Variants in TNFRSF8 observed in about 807,000 individuals in gnomAD.
TNFRSF8 encodes tumor necrosis factor receptor superfamily member 8.
In TNFRSF8, 26 loss-of-function variants were observed where a neutral mutation model predicts 70.8. The observed-to-expected ratio is 0.37, with a 90% CI of 0.27 to 0.51. The LOEUF (loss-of-function observed/expected upper bound fraction) is 0.51. Ranked by LOEUF, TNFRSF8 falls within the 20% of genes least tolerant of loss-of-function variation. The pLI, the probability that TNFRSF8 is intolerant of heterozygous loss-of-function variation, is 0.94. For missense variants in TNFRSF8, 720 were observed against 807.9 expected (o/e 0.89, Z 1.32); for synonymous variants, 356 against 339.2 (o/e 1.05, Z -0.54).
chr1:12,103,080 C>T lies in TNFRSF8; in HGVS notation c.269-1299C>T, dbSNP rs533924991. On this transcript the variant is annotated intron_variant, in intron 3 of 14. Coordinates refer to ENST00000263932, the MANE Select transcript of TNFRSF8 (RefSeq NM_001243.5). ...CATTAAAAAAATTAATAAACTATTT[C>T]TGGCTGGGTGCAGTGGCTCACGCCT... is the stretch of plus-strand genomic sequence containing the variant. 5.9e-5 allele frequency among the ~76,000 whole-genome samples: 9 copies of T among 152,078 alleles called. No individual in the cohort carries two copies. In the South Asian group the frequency reaches 1.9e-3, roughly 32 times the overall value.
In TNFRSF8 at chr1:12,109,951, C is replaced by T. The variant is rs540950442; in HGVS notation, c.513-90C>T. On this transcript the variant is annotated intron_variant, in intron 5 of 14. Coordinates refer to ENST00000263932, the MANE Select transcript of TNFRSF8 (RefSeq NM_001243.5). The surrounding 1 kb of genome is among the most constrained non-coding windows in gnomAD (Gnocchi z 4.4). The stretch of plus-strand genomic sequence containing the variant: ...AGGCAGTGGGCCAAGGGCCTGGGAC[C>T]CCATCTCTGTGGAAACTGTTACTCG... 2.7e-6 allele frequency: 4 copies of T among 1,483,884 alleles called. No individual in the cohort carries two copies. The highest frequency in any genetic ancestry group is 1.4e-5 in the African/African-American group (1 of 71,896). 91.9% of individuals were successfully genotyped at this position (1,483,884 alleles called of 1,614,324 possible). A position where few individuals can be genotyped will look rare whatever the true frequency, so the allele number is the denominator to read the frequency against.
chr1:12,109,584 C>T lies in TNFRSF8; in HGVS notation c.440C>T (p.Thr147Met), dbSNP rs758099802. Residue 147 changes from threonine to methionine, a missense_variant, in exon 5 of 15, where the codon ACG becomes ATG. By Grantham distance (81) the Thr-to-Met change is moderately conservative. Coordinates refer to ENST00000263932, the MANE Select transcript of TNFRSF8 (RefSeq NM_001243.5). This position sits in a 1 kb window ranked among gnomAD's most constrained non-coding sequence, Gnocchi z 4.4. Reference sequence around the variant, plus strand: ...CCTGCAGGCACGGCGCAGAAGAACACGGTCTGTGAGCCGGCTTCCCCAGGG... The same window carrying T: ...CCTGCAGGCACGGCGCAGAAGAACATGGTCTGTGAGCCGGCTTCCCCAGGG... ...VKFPGTAQKN[T>M]VCEPASPGVS... 20 of 1,613,664 alleles carry T rather than the reference C, an allele frequency of 1.2e-5. No individual in the cohort carries two copies. Among genetic ancestry groups the T allele is most frequent in the Non-Finnish European group, 1.5e-5 (18 of 1,179,912 alleles).
Position 12,110,047 on chromosome 1 carries a change from C to A in TNFRSF8, c.519C>A (p.Thr173=). The change falls in exon 6 of 15, where the codon ACC becomes ACA. Residue 173 remains threonine (T), a synonymous_variant. Coordinates refer to ENST00000263932, the MANE Select transcript of TNFRSF8 (RefSeq NM_001243.5). The surrounding 1 kb of genome is among the most constrained non-coding windows in gnomAD (Gnocchi z 4.0). The stretch of plus-strand genomic sequence containing the variant: ...TCTCTGGCTTCTTCCCCAGTGGCAC[C>A]ATCCCCCAGGCCAAGCCCACCCCGG... ...PENCKEPSSG[T]IPQAKPTPVS... is the part of the protein sequence containing the mutation. The A allele has an allele frequency of 6.2e-7, 1 of 1,612,862 alleles. No individual in the cohort carries two copies. The highest frequency in any genetic ancestry group is 8.5e-7 in the Non-Finnish European group (1 of 1,179,448).
chr1:12,069,893 C>T (rs1316495512), intron 1 of TNFRSF8, among the ~76,000 whole-genome samples: 1 of 152,156 alleles, frequency 6.6e-6, no homozygotes, highest in Non-Finnish European at 1.5e-5. Flanking sequence ...GTAACATACA[C>T]ACGGAATGAA....
Position 12,063,740 on chromosome 1 carries a change from G to A in TNFRSF8, c.63+79G>A. On this transcript the variant is annotated intron_variant, in intron 1 of 14. Transcript: ENST00000263932. This position sits in a 1 kb window ranked among gnomAD's most constrained non-coding sequence, Gnocchi z 7.2. ...TGTGGGGTGCGTGGGACGCAAGGGA[G>A]GACACTCCTCACCCCGTTCCCTGCC... The A allele has an allele frequency of 8.3e-7, 1 of 1,211,858 alleles. No homozygotes were observed. Among genetic ancestry groups the A allele is most frequent in the Non-Finnish European group, 1.0e-6 (1 of 957,144 alleles). The allele number at this position is 1,211,858 out of a possible 1,614,324, so 75.1% of individuals were successfully genotyped here. A position where few individuals can be genotyped will look rare whatever the true frequency, so the allele number is the denominator to read the frequency against.
intron 4 of TNFRSF8, among the ~76,000 whole-genome samples, chr1:12,106,297 C>T (rs1274952819): frequency 6.6e-6 from 1 of 152,140 alleles, no homozygotes; most frequent in Non-Finnish European, 1.5e-5. Context: ...ACGTGCTGTT[C>T]TCTCTGTCGG....
chr1:12,109,469 C>A lies in TNFRSF8; in HGVS notation c.422-97C>A. On this transcript the variant is annotated intron_variant, in intron 4 of 14. Coordinates refer to ENST00000263932, the MANE Select transcript of TNFRSF8 (RefSeq NM_001243.5). This position sits in a 1 kb window ranked among gnomAD's most constrained non-coding sequence, Gnocchi z 4.4. ...GATGACTGCTGTGTTTTCCAAGGGC[C>A]CCATCTCCGACTCTGGCCTGTGGTA... 1.0e-6 allele frequency: 1 copy of A among 965,970 alleles called. No homozygotes were observed. Among genetic ancestry groups the A allele is most frequent in the Non-Finnish European group, 1.6e-6 (1 of 638,240 alleles). 59.8% of individuals were successfully genotyped at this position (965,970 alleles called of 1,614,324 possible).
At position 12,079,373 on chromosome 1, in the gene TNFRSF8, C is replaced by G. The variant is rs1339114668; in HGVS notation, c.64-5091C>G. On this transcript the variant is annotated intron_variant, in intron 1 of 14. Transcript: ENST00000263932. The stretch of plus-strand genomic sequence containing the variant: ...CCTGCGGGGAACTCCACCCAAAAGC[C>G]CCCCCTCCAGTCCTTGGGCTTCCCC... Among the ~76,000 whole-genome samples the G allele has an allele frequency of 2.6e-5, 4 of 152,210 alleles. No individual in the cohort carries two copies. In the East Asian group the frequency reaches 5.8e-4, roughly 22 times the overall value.
Position 12,063,703 on chromosome 1 carries a change from G to C in TNFRSF8, c.63+42G>C. The C allele has an allele frequency of 1.6e-6, 2 of 1,264,062 alleles. No homozygotes were observed. Among genetic ancestry groups the C allele is most frequent in the Non-Finnish European group, 2.0e-6 (2 of 995,752 alleles). 78.3% of individuals were successfully genotyped at this position (1,264,062 alleles called of 1,614,324 possible). ...CGCCTGGGGAGGTGCCGGCGGTCCA[G>C]AGCCCGGACAGTGTGGGGTGCGTGG... On this transcript the variant is annotated intron_variant, in intron 1 of 14. Transcript: ENST00000263932. This position sits in a 1 kb window ranked among gnomAD's most constrained non-coding sequence, Gnocchi z 7.2.
At chr1:12,087,074 T>TATCCATCCATCC (rs57832338) in intron 2 of TNFRSF8, among the ~76,000 whole-genome samples, 8 of 115,376 alleles carry the variant, frequency 6.9e-5, no homozygotes, top group East Asian at 2.5e-4. Flanking sequence ...TCTACCTTTC[T>TATCCATCCATCC]ATCCATCCAT....
At chr1:12,132,483 G>T (rs1379196203) in intron 12 of TNFRSF8, among the ~76,000 whole-genome samples, 1 of 152,226 alleles carries the variant, frequency 6.6e-6, no homozygotes, top group Admixed American at 6.5e-5. Context: ...TCTTCCCCAT[G>T]ATTAGACTGG....
intron 2 of TNFRSF8, among the ~76,000 whole-genome samples, chr1:12,092,601 G>A (rs1158527528): frequency 5.5e-5 from 8 of 145,698 alleles, no homozygotes; most frequent in East Asian, 2.1e-4. Flanking sequence ...TCCGCCTCCC[G>A]GGTTCACGCC....
chr1:12,128,113 AGCACTGGTTTATTG>A (rs953763930), intron 12 of TNFRSF8, among the ~76,000 whole-genome samples: 47 of 152,204 alleles, frequency 3.1e-4, no homozygotes, highest in Non-Finnish European at 6.3e-4. Flanking sequence ...GGAGGGAAGG[AGCACTGGTTTATTG>A]GCACTGGTTT....
chr1:12,107,342 C>T (rs1039830009), intron 4 of TNFRSF8, among the ~76,000 whole-genome samples: 16 of 151,952 alleles, frequency 1.1e-4, no homozygotes, highest in African/African-American at 3.6e-4. Context: ...TTGTAGTGAG[C>T]TGAGATTGTG....
At chr1:12,076,091 T>C (rs1640955380) in intron 1 of TNFRSF8, among the ~76,000 whole-genome samples, 2 of 104,642 alleles carry the variant, frequency 1.9e-5, no homozygotes, top group Non-Finnish European at 3.5e-5. Flanking sequence ...TTATTCTTTT[T>C]TTTTTCTTTT....
chr1:12,084,853 C>T (rs890199125), intron 2 of TNFRSF8, among the ~76,000 whole-genome samples: 1 of 152,166 alleles, frequency 6.6e-6, no homozygotes, highest in Non-Finnish European at 1.5e-5. Context: ...CCTTTATATG[C>T]ACGGCATCAT....
chr1:12,092,174 C>T (rs547186595), intron 2 of TNFRSF8, among the ~76,000 whole-genome samples: 1 of 152,230 alleles, frequency 6.6e-6, no homozygotes, highest in African/African-American at 2.4e-5. Flanking sequence ...TTTATTTCAT[C>T]TGTACTGTAT....
At position 12,103,644 on chromosome 1, in the gene TNFRSF8, A is replaced by AT. The variant is rs200497267; in HGVS notation, c.269-725dup. On this transcript the variant is annotated intron_variant, in intron 3 of 14. Coordinates refer to ENST00000263932, the MANE Select transcript of TNFRSF8 (RefSeq NM_001243.5). ...GCTACCATGCCTGGCTAATTTTTGT[A>AT]TTTTTTTTTTGTAGAGACGGGATTT... Among the ~76,000 whole-genome samples, 310 of 148,290 alleles carry AT rather than the reference A, an allele frequency of 2.1e-3. 1 individual carries two copies. The highest frequency in any genetic ancestry group is 0.011 in the South Asian group (53 of 4,652).
intron 2 of TNFRSF8, among the ~76,000 whole-genome samples, chr1:12,092,339 G>A (rs57162133): frequency 1.0e-3 from 158 of 151,928 alleles, no homozygotes; most frequent in African/African-American, 3.7e-3. Flanking sequence ...ATCACACCTG[G>A]CTAATTTTCT....
Sources: allele counts gnomAD v4.1 joint callset (sites outside exome capture counted in the v4.1 genomes callset), GRCh38; gene constraint gnomAD v4.1.1; non-coding constraint Gnocchi (gnomAD v3.1); transcripts MANE v1.5; gene names NCBI Gene and HGNC (gene_info 2026-07-23, HGNC 2026-07-21).